The following UNC5D variants were observed in gnomAD, a reference collection of about 807,000 sequenced individuals.
UNC5D encodes the protein netrin receptor UNC5D.
A neutral mutation model predicts 105.4 loss-of-function variants in UNC5D; 39 were observed. That is an observed-to-expected ratio of 0.37 (90% CI 0.29 to 0.48). UNC5D has a LOEUF of 0.48. Among genes scored for constraint, UNC5D ranks in the 20% least tolerant of loss-of-function variants. The pLI, the probability that UNC5D is intolerant of heterozygous loss-of-function variation, is 0.98. For missense variants in UNC5D, 991 were observed against 1,202.4 expected (o/e 0.82, Z 2.60); for synonymous variants, 452 against 450.4 (o/e 1.00, Z -0.04).
chr8:35,675,536 T>C (rs1221026031), intron 4 of UNC5D, among the ~76,000 whole-genome samples: 1 of 152,126 alleles, frequency 6.6e-6, no homozygotes, highest in African/African-American at 2.4e-5. Context: ...AACAACTCCA[T>C]TTGATACTGA....
At chr8:35,754,402 ATC>A (rs1830420994) in intron 13 of UNC5D, among the ~76,000 whole-genome samples, 2 of 152,218 alleles carry the variant, frequency 1.3e-5, no homozygotes, top group Admixed American at 1.3e-4. Flanking sequence ...CATCTTTCAT[ATC>A]TCAAAGAATG....
intron 1 of UNC5D, among the ~76,000 whole-genome samples, chr8:35,433,987 A>G (rs1806832808): frequency 6.6e-6 from 1 of 152,134 alleles, no homozygotes; most frequent in Non-Finnish European, 1.5e-5. Flanking sequence ...ATAGGCTTGC[A>G]ATGTATTCTA....
rs1036029169 is a variant in UNC5D at position 35,449,162 on chromosome 8, AG to A, written c.104-100128del. Reference sequence around the variant, plus strand: ...AGTGTTGTGATAAACATACAAGTACAGGTAGCTCTTTGATATAATTTCTTAA... The same window carrying A: ...AGTGTTGTGATAAACATACAAGTACAGTAGCTCTTTGATATAATTTCTTAA... On this transcript the variant is annotated intron_variant, in intron 1 of 16. Transcript: ENST00000404895. 6.6e-5 allele frequency among the ~76,000 whole-genome samples: 10 copies of A among 152,308 alleles called. No individual in the cohort carries two copies. The South Asian group carries it at 1.2e-3, about 19-fold the overall frequency.
At chr8:35,322,322 GT>G (rs955754904) in intron 1 of UNC5D, among the ~76,000 whole-genome samples, 1 of 150,928 alleles carries the variant, frequency 6.6e-6, no homozygotes, top group South Asian at 2.1e-4. Context: ...TGAAAATAAT[GT>G]TTTTTTCTCC....
chr8:35,624,221 A>G (rs1195323767), intron 4 of UNC5D, among the ~76,000 whole-genome samples: 1 of 152,240 alleles, frequency 6.6e-6, no homozygotes, highest in Non-Finnish European at 1.5e-5. Flanking sequence ...CATAACACTA[A>G]TGGATTACAG....
At chr8:35,538,318 T>C (rs528391647) in intron 1 of UNC5D, among the ~76,000 whole-genome samples, 2 of 148,972 alleles carry the variant, frequency 1.3e-5, no homozygotes, top group Admixed American at 6.8e-5. Context: ...GGTGAAGTGA[T>C]TAGGCACTGA....
intron 4 of UNC5D, among the ~76,000 whole-genome samples, chr8:35,671,310 A>G (rs767749291): frequency 3.3e-5 from 5 of 152,204 alleles, no homozygotes; most frequent in Non-Finnish European, 5.9e-5. Context: ...TGGATACCAA[A>G]TCTGTTGACT....
intron 1 of UNC5D, among the ~76,000 whole-genome samples, chr8:35,353,711 G>A (rs1812405847): frequency 6.6e-6 from 1 of 152,060 alleles, no homozygotes; most frequent in South Asian, 2.1e-4. Flanking sequence ...ATACCTTCAT[G>A]TGCATTAATA....
At chr8:35,788,889 AT>A (rs1281832480) in intron 16 of UNC5D, among the ~76,000 whole-genome samples, 5 of 151,212 alleles carry the variant, frequency 3.3e-5, no homozygotes, top group Admixed American at 3.3e-4. Flanking sequence ...AAACTGAACC[AT>A]TTTTTCCCGA....
chr8:35,629,543 A>G (rs945768233), intron 4 of UNC5D, among the ~76,000 whole-genome samples: 1 of 151,948 alleles, frequency 6.6e-6, no homozygotes, highest in Non-Finnish European at 1.5e-5. Context: ...GGACTCCAAA[A>G]TGGGGGTAGG....
intron 4 of UNC5D, among the ~76,000 whole-genome samples, chr8:35,645,320 G>A (rs1255498626): frequency 6.6e-6 from 1 of 152,108 alleles, no homozygotes; most frequent in Non-Finnish European, 1.5e-5. Flanking sequence ...GCAGCAGCCT[G>A]GTTGCTCTGA....
chr8:35,599,159 A>G (rs1247677365), intron 4 of UNC5D, among the ~76,000 whole-genome samples: 1 of 150,868 alleles, frequency 6.6e-6, no homozygotes, highest in African/African-American at 2.4e-5. Context: ...AAAAAAAAAA[A>G]AAAAAAAAAA....
At chr8:35,422,603 G>A (rs916954744) in intron 1 of UNC5D, among the ~76,000 whole-genome samples, 3 of 152,152 alleles carry the variant, frequency 2.0e-5, no homozygotes, top group Non-Finnish European at 4.4e-5. Context: ...TATGCACACA[G>A]ATAATTATTT....
intron 11 of UNC5D, among the ~76,000 whole-genome samples, chr8:35,744,256 C>A (rs537673507): frequency 6.6e-6 from 1 of 152,306 alleles, no homozygotes; most frequent in East Asian, 1.9e-4. Flanking sequence ...TCTGTGGATC[C>A]ATCCCATTCC....
chr8:35,635,325 A>G (rs1276332742), intron 4 of UNC5D, among the ~76,000 whole-genome samples: 1 of 152,062 alleles, frequency 6.6e-6, no homozygotes, highest in African/African-American at 2.4e-5. Context: ...ACTCAGCATC[A>G]CCCACTATAT....
intron 1 of UNC5D, among the ~76,000 whole-genome samples, chr8:35,315,262 C>G (rs1456640917): frequency 6.6e-6 from 1 of 152,158 alleles, no homozygotes; most frequent in Non-Finnish European, 1.5e-5. Flanking sequence ...TTAAGACAAT[C>G]ATTTACTATT....
intron 11 of UNC5D, among the ~76,000 whole-genome samples, chr8:35,736,036 G>T (rs1255040206): frequency 3.3e-5 from 5 of 152,050 alleles, no homozygotes; most frequent in Admixed American, 1.3e-4. Context: ...GACATTTGTG[G>T]CTATTCTAAA....
At chr8:35,308,135 T>A (rs1808584033) in intron 1 of UNC5D, among the ~76,000 whole-genome samples, 1 of 151,762 alleles carries the variant, frequency 6.6e-6, no homozygotes, top group South Asian at 2.1e-4. Context: ...TGTGTGTGTG[T>A]GTGTGTGTGT....
chr8:35,330,397 A>G (rs946093896), intron 1 of UNC5D, among the ~76,000 whole-genome samples: 1 of 152,180 alleles, frequency 6.6e-6, no homozygotes, highest in African/African-American at 2.4e-5. Flanking sequence ...CTGTAAAATA[A>G]AGGGGAAAGG....
Sources: gnomAD v4.1 joint callset for allele counts (sites outside exome capture counted in the v4.1 genomes callset) on GRCh38, gnomAD v4.1.1 for gene constraint, MANE v1.5 for transcripts, NCBI Gene and HGNC (gene_info 2026-07-23, HGNC 2026-07-21) for gene names.